Variants in LIX1 observed in about 807,000 individuals in gnomAD.
LIX1 encodes the protein limb and CNS expressed 1.
Under a neutral mutation model 33.4 loss-of-function variants are expected in LIX1, and 24 were observed. That is an observed-to-expected ratio of 0.72 (90% CI 0.52 to 1.01). The LOEUF is 1.01. Among genes scored for constraint, LIX1 ranks in the 50% least tolerant of loss-of-function variants. The pLI, the probability that LIX1 is intolerant of heterozygous loss-of-function variation, is 0.00. For missense variants in LIX1, 311 were observed against 339.2 expected (o/e 0.92, Z 0.65); for synonymous variants, 124 against 124.0 (o/e 1.00, Z 0.00).
intron 4 of LIX1, chr5:97,101,637 A>T (rs1352539822): frequency 1.3e-5 from 2 of 152,356 alleles, no homozygotes; most frequent in East Asian, 3.9e-4. Flanking sequence ...ATGTAAACAG[A>T]CAACAACGGG....
intron 1 of LIX1, among the ~76,000 whole-genome samples, chr5:97,141,427 T>C (rs1003976178): frequency 6.6e-6 from 1 of 152,242 alleles, no homozygotes. Context: ...TTTCACTTTA[T>C]GCCTTAAAGG....
At position 97,138,985 on chromosome 5, in the gene LIX1, C is replaced by G. The variant is rs550051688; in HGVS notation, c.82+3510G>C. Reference sequence around the variant, plus strand: ...TCTGAAATCTACAACACTTCTGGTCCCAAGCATTTCAGATAAGGCATACTC... The same window carrying G: ...TCTGAAATCTACAACACTTCTGGTCGCAAGCATTTCAGATAAGGCATACTC... On this transcript the variant is annotated intron_variant, in intron 1 of 5. Coordinates refer to ENST00000274382, the MANE Select transcript of LIX1 (RefSeq NM_153234.5). Among the ~76,000 whole-genome samples the G allele has an allele frequency of 2.0e-5, 3 of 152,158 alleles. No homozygotes were observed. The South Asian group carries it at 6.2e-4, about 32-fold the overall frequency.
intron 1 of LIX1, among the ~76,000 whole-genome samples, chr5:97,137,558 G>A (rs1013701690): frequency 6.6e-6 from 1 of 151,816 alleles, no homozygotes; most frequent in Non-Finnish European, 1.5e-5. Flanking sequence ...AAATAATTAG[G>A]CCCTATGATA....
At chr5:97,110,519 C>T (rs1477524326) in intron 2 of LIX1, among the ~76,000 whole-genome samples, 3 of 152,014 alleles carry the variant, frequency 2.0e-5, no homozygotes, top group Non-Finnish European at 4.4e-5. Flanking sequence ...GCTACCTACG[C>T]CTGCAACCTA....
At chr5:97,097,939 T>A (rs1368146594) in intron 4 of LIX1, among the ~76,000 whole-genome samples, 2 of 152,202 alleles carry the variant, frequency 1.3e-5, no homozygotes, top group African/African-American at 4.8e-5. Flanking sequence ...ACAAGAGAAG[T>A]AACTATGAAA....
In LIX1 at chr5:97,140,830, C is replaced by T. The variant is rs148323893; in HGVS notation, c.82+1665G>A. 3.4e-3 allele frequency among the ~76,000 whole-genome samples: 524 copies of T among 152,198 alleles called. 12 individuals carry two copies. Among genetic ancestry groups the T allele is most frequent in the Admixed American group, 0.03 (451 of 15,282 alleles). On this transcript the variant is annotated intron_variant, in intron 1 of 5. Transcript: ENST00000274382. ...TCTATTAAGCCATGCAAGCAGTTGC[C>T]GAGTAGCAGTCCATTCTAGGGTAAA... is the stretch of plus-strand genomic sequence containing the variant.
intron 2 of LIX1, among the ~76,000 whole-genome samples, chr5:97,111,441 A>C (rs1747391714): frequency 6.6e-6 from 1 of 152,246 alleles, no homozygotes; most frequent in African/African-American, 2.4e-5. Context: ...GCAGTCAGAC[A>C]CTTTGAGATG....
At chr5:97,108,404 T>G (rs1458883985) in intron 2 of LIX1, among the ~76,000 whole-genome samples, 3 of 152,226 alleles carry the variant, frequency 2.0e-5, no homozygotes, top group Non-Finnish European at 4.4e-5. Context: ...CCTGCTAGAC[T>G]GGCTTTCTGT....
intron 3 of LIX1, among the ~76,000 whole-genome samples, chr5:97,105,489 G>A (rs185944024): frequency 1.4e-3 from 209 of 152,266 alleles, no homozygotes; most frequent in Middle Eastern, 3.4e-3. Context: ...TTATATACTC[G>A]CTGATAGAAT....
intron 1 of LIX1, among the ~76,000 whole-genome samples, chr5:97,134,325 G>A (rs1394841893): frequency 2.0e-5 from 3 of 152,144 alleles, no homozygotes; most frequent in African/African-American, 7.2e-5. Flanking sequence ...TTACCATGTT[G>A]GTCAGGCTGG....
At chr5:97,134,488 C>A (rs931476309) in intron 1 of LIX1, among the ~76,000 whole-genome samples, 2 of 152,132 alleles carry the variant, frequency 1.3e-5, no homozygotes, top group South Asian at 2.1e-4. Flanking sequence ...TTTAATATAA[C>A]CTTTAATTAA....
At chr5:97,107,043 T>C (rs575046289) in intron 3 of LIX1, among the ~76,000 whole-genome samples, 3 of 152,296 alleles carry the variant, frequency 2.0e-5, no homozygotes. Flanking sequence ...ACTGTATGCG[T>C]TCTCAGGCCC....
In LIX1 at chr5:97,095,088, C is replaced by T. The variant is rs1305574883; in HGVS notation, c.562-53G>A. On this transcript the variant is annotated intron_variant, in intron 5 of 5. Transcript: ENST00000274382. ...TGTCAATAAAAAGCAACAAAGGCACCCGTCCACATGCCTCCCCCTGCTTCC... is the reference window on the plus strand; with the variant it reads ...TGTCAATAAAAAGCAACAAAGGCACTCGTCCACATGCCTCCCCCTGCTTCC... 4 of 1,516,550 alleles carry T rather than the reference C, an allele frequency of 2.6e-6. No individual in the cohort carries two copies. The East Asian group carries it at 6.8e-5, about 26-fold the overall frequency. The allele number at this position is 1,516,550 out of a possible 1,614,324, so 93.9% of individuals were successfully genotyped here.
intron 2 of LIX1, among the ~76,000 whole-genome samples, chr5:97,110,051 G>A (rs1198744439): frequency 6.6e-6 from 1 of 152,198 alleles, no homozygotes; most frequent in African/African-American, 2.4e-5. Flanking sequence ...ACATGAGTGT[G>A]CACGTGTCTT....
chr5:97,108,065 G>T (rs548923404), intron 2 of LIX1, among the ~76,000 whole-genome samples: 1 of 152,278 alleles, frequency 6.6e-6, no homozygotes, highest in South Asian at 2.1e-4. Context: ...AGGATCAATT[G>T]GTTAATATAG....
At chr5:97,120,398 T>C (rs972237200) in intron 2 of LIX1, among the ~76,000 whole-genome samples, 1 of 152,214 alleles carries the variant, frequency 6.6e-6, no homozygotes, top group African/African-American at 2.4e-5. Flanking sequence ...ACCCCATCCC[T>C]GGAACTTACA....
At chr5:97,140,423 G>A (rs559162782) in intron 1 of LIX1, among the ~76,000 whole-genome samples, 39 of 152,310 alleles carry the variant, frequency 2.6e-4, no homozygotes, top group Admixed American at 1.6e-3. Context: ...GAGTGGAGGA[G>A]GAGCCAGCAG....
chr5:97,119,125 C>G (rs549658732), intron 2 of LIX1, among the ~76,000 whole-genome samples: 4 of 152,300 alleles, frequency 2.6e-5, no homozygotes, highest in African/African-American at 9.6e-5. Context: ...GGATTAGTCC[C>G]ACAATCCAGT....
intron 3 of LIX1, among the ~76,000 whole-genome samples, chr5:97,106,787 CA>C (rs1475218441): frequency 6.6e-6 from 1 of 152,178 alleles, no homozygotes; most frequent in East Asian, 1.9e-4. Flanking sequence ...GTGTTAATTA[CA>C]GAAATTTTCA....
Sources: allele counts gnomAD v4.1 joint callset (sites outside exome capture counted in the v4.1 genomes callset), GRCh38; gene constraint gnomAD v4.1.1; transcripts MANE v1.5; gene names NCBI Gene and HGNC (gene_info 2026-07-23, HGNC 2026-07-21).